C8orf34: variants seen among roughly 807,000 people sequenced by gnomAD.
C8orf34 encodes chromosome 8 open reading frame 34.
In C8orf34, 65 loss-of-function variants were observed where a neutral mutation model predicts 68.3. The observed-to-expected ratio is 0.95, with a 90% CI of 0.78 to 1.17. The LOEUF (loss-of-function observed/expected upper bound fraction) is 1.17, where lower values mean the gene tolerates loss of function less well. Ranked by LOEUF, C8orf34 falls within the 50% of genes most tolerant of loss-of-function variation. The pLI, the probability that C8orf34 is intolerant of heterozygous loss-of-function variation, is 0.00. For synonymous variants in C8orf34, 244 were observed against 241.2 expected (o/e 1.01, Z -0.11); for missense variants, 664 against 655.4 (o/e 1.01, Z -0.14).
chr8:68,433,566 A>C (rs1185496818), intron 1 of C8orf34, among the ~76,000 whole-genome samples: 1 of 152,202 alleles, frequency 6.6e-6, no homozygotes, highest in Non-Finnish European at 1.5e-5. Flanking sequence ...CCAAGTCACA[A>C]ATTTTTAGGC....
In C8orf34 at chr8:68,331,036, G is replaced by C; in HGVS notation, c.24G>C (p.Glu8Asp). 1 of 1,466,786 alleles carries C rather than the reference G, an allele frequency of 6.8e-7. No individual in the cohort carries two copies. The highest frequency in any genetic ancestry group is 8.9e-7 in the Non-Finnish European group (1 of 1,121,518). The allele number at this position is 1,466,786 out of a possible 1,614,324, so 90.9% of individuals were successfully genotyped here. The part of the protein sequence containing the change: MSSPLAS[E>D]LSELAALRPG... ...GAATGAGTTCTCCCCTCGCCTCGGA[G>C]TTGTCTGAGTTGGCGGCGCTGCGCC... Residue 8 changes from glutamate (E) to aspartate (D), a missense_variant, in exon 1 of 14, where the codon GAG becomes GAC. By Grantham distance (45) the Glu-to-Asp change is conservative. Coordinates refer to ENST00000518698, the MANE Select transcript of C8orf34 (RefSeq NM_052958.4).
chr8:68,799,771 G>A (rs920718345), intron 12 of C8orf34, among the ~76,000 whole-genome samples: 1 of 152,184 alleles, frequency 6.6e-6, no homozygotes, highest in Non-Finnish European at 1.5e-5. Flanking sequence ...CTTAAGAGAA[G>A]TAAAATGTTA....
intron 1 of C8orf34, among the ~76,000 whole-genome samples, chr8:68,342,670 T>G (rs1015565143): frequency 3.9e-5 from 6 of 152,194 alleles, no homozygotes; most frequent in Non-Finnish European, 7.3e-5. Flanking sequence ...GAATCATTCC[T>G]TTGTCCAGCG....
chr8:68,448,284 C>T (rs2129627048), intron 3 of C8orf34, among the ~76,000 whole-genome samples: 1 of 152,158 alleles, frequency 6.6e-6, no homozygotes, highest in African/African-American at 2.4e-5. Context: ...CTACTCCCAA[C>T]CTCTAGTTTC....
intron 7 of C8orf34, among the ~76,000 whole-genome samples, chr8:68,571,790 G>A (rs1003647844): frequency 1.3e-4 from 20 of 152,112 alleles, no homozygotes; most frequent in Non-Finnish European, 2.2e-4. Context: ...ATATGAACAC[G>A]GTGACTGAGC....
chr8:68,779,108 T>C (rs1022677523), intron 11 of C8orf34, among the ~76,000 whole-genome samples: 1 of 150,930 alleles, frequency 6.6e-6, no homozygotes, highest in African/African-American at 2.4e-5. Flanking sequence ...GCCCAGGAGT[T>C]TGAGTCTGCA....
At chr8:68,817,400 A>C (rs377441569) in intron 13 of C8orf34, among the ~76,000 whole-genome samples, 33 of 152,236 alleles carry the variant, frequency 2.2e-4, no homozygotes, top group African/African-American at 7.7e-4. Flanking sequence ...ATAAATAAAA[A>C]GTGTGTGCAA....
chr8:68,818,225 T>C lies in C8orf34; in HGVS notation c.1610-14T>C. 12 of 1,612,212 alleles carry C rather than the reference T, an allele frequency of 7.4e-6. No homozygotes were observed. Among genetic ancestry groups the C allele is most frequent in the Non-Finnish European group, 1.0e-5 (12 of 1,179,086 alleles). The stretch of plus-strand genomic sequence containing the variant: ...ATTAAGCACATTTTCTTCTGTTTCA[T>C]TTCTCCTCTGCAGGTTTGTGAAACA... On this transcript the variant is annotated splice_polypyrimidine_tract_variant and intron_variant, in intron 13 of 13. Coordinates refer to ENST00000518698, the MANE Select transcript of C8orf34 (RefSeq NM_052958.4).
intron 8 of C8orf34, among the ~76,000 whole-genome samples, chr8:68,660,698 G>A (rs1044021399): frequency 6.6e-6 from 1 of 152,018 alleles, no homozygotes; most frequent in Non-Finnish European, 1.5e-5. Flanking sequence ...GTTGTGTTTG[G>A]GACAAAAATG....
At chr8:68,648,992 C>T (rs1285936458) in intron 8 of C8orf34, among the ~76,000 whole-genome samples, 1 of 152,082 alleles carries the variant, frequency 6.6e-6, no homozygotes, top group Non-Finnish European at 1.5e-5. Context: ...AATAACCATA[C>T]ATTGTATTTG....
In C8orf34 at chr8:68,459,326, T is replaced by A. The variant is rs1021908055; in HGVS notation, c.608-9366T>A. Among the ~76,000 whole-genome samples, 6 of 152,064 alleles carry A rather than the reference T, an allele frequency of 3.9e-5. No homozygotes were observed. The South Asian group carries it at 1.2e-3, about 32-fold the overall frequency. ...TTCACTGCAACCTCCGTCTCCCAGG[T>A]TCAAGTGATTCTCCTGCCTCAGCCT... On this transcript the variant is annotated intron_variant, in intron 3 of 13. Coordinates refer to ENST00000518698, the MANE Select transcript of C8orf34 (RefSeq NM_052958.4).
chr8:68,499,893 G>T (rs1283147223), intron 5 of C8orf34, among the ~76,000 whole-genome samples: 1 of 152,188 alleles, frequency 6.6e-6, no homozygotes, highest in African/African-American at 2.4e-5. Flanking sequence ...GAGGTGATTG[G>T]ATTGGGGGCG....
intron 1 of C8orf34, among the ~76,000 whole-genome samples, chr8:68,380,889 C>A (rs556777060): frequency 6.6e-6 from 1 of 152,290 alleles, no homozygotes; most frequent in East Asian, 1.9e-4. Context: ...TAACTCCTTT[C>A]TATGTGTTCC....
rs569438212 is a variant in C8orf34, at chr8:68,800,632, A to G, written c.1549+13096A>G. 1.2e-4 allele frequency among the ~76,000 whole-genome samples: 19 copies of G among 152,270 alleles called. No homozygotes were observed. In the South Asian group the frequency reaches 3.1e-3, roughly 25 times the overall value. ...ATACATGACTACTTCCTATAAATGG[A>G]TTGCAAATTTTATGTGGCTGTTTTC... On this transcript the variant is annotated intron_variant, in intron 12 of 13. Coordinates refer to ENST00000518698, the MANE Select transcript of C8orf34 (RefSeq NM_052958.4).
At chr8:68,525,768 C>T in intron 6 of C8orf34, 1 of 574,698 alleles carries the variant, frequency 1.7e-6, no homozygotes, top group Non-Finnish European at 3.3e-6. Flanking sequence ...TTAGATTCAC[C>T]AGTGTAGCCA....
chr8:68,683,904 C>T (rs533675587), intron 8 of C8orf34, among the ~76,000 whole-genome samples: 4 of 152,150 alleles, frequency 2.6e-5, no homozygotes, highest in Admixed American at 2.6e-4. Flanking sequence ...GTGAGTGTAA[C>T]TCCCAGATGG....
intron 7 of C8orf34, among the ~76,000 whole-genome samples, chr8:68,554,268 C>T (rs1423603971): frequency 6.6e-6 from 1 of 152,108 alleles, no homozygotes; most frequent in Non-Finnish European, 1.5e-5. Flanking sequence ...TAAGGTAAAG[C>T]AGCCATTTAT....
At chr8:68,392,364 A>T (rs1486857658) in intron 1 of C8orf34, among the ~76,000 whole-genome samples, 1 of 151,880 alleles carries the variant, frequency 6.6e-6, no homozygotes, top group African/African-American at 2.4e-5. Context: ...TCCTGTATTT[A>T]CTGGGAGCAT....
intron 12 of C8orf34, among the ~76,000 whole-genome samples, chr8:68,796,712 C>T (rs1824186180): frequency 1.3e-5 from 2 of 151,932 alleles, no homozygotes; most frequent in Non-Finnish European, 2.9e-5. Flanking sequence ...GGAAATGGCA[C>T]AGAGACTCTT....
Sources: gnomAD v4.1 joint callset for allele counts (sites outside exome capture counted in the v4.1 genomes callset) on GRCh38, gnomAD v4.1.1 for gene constraint, MANE v1.5 for transcripts, NCBI Gene and HGNC (gene_info 2026-07-23, HGNC 2026-07-21) for gene names.